The following GFI1 variants were observed in gnomAD, a reference collection of about 807,000 sequenced individuals.
GFI1 encodes growth factor independent 1 transcriptional repressor, also known as zinc finger protein Gfi-1.
Under a neutral mutation model 39.2 loss-of-function variants are expected in GFI1, and 15 were observed. The ratio of observed to expected loss-of-function variants is 0.38; its 90% confidence interval spans 0.26 to 0.59. The LOEUF (loss-of-function observed/expected upper bound fraction) is 0.59, where lower values mean the gene tolerates loss of function less well. Ranked by LOEUF, GFI1 falls within the 20% of genes least tolerant of loss-of-function variation. The pLI, the probability that GFI1 is intolerant of heterozygous loss-of-function variation, is 0.62. For missense variants in GFI1, 475 were observed against 574.0 expected, an observed-to-expected ratio of 0.83 and a Z score of 1.76; for synonymous variants, 239 against 254.3, an observed-to-expected ratio of 0.94 and a Z score of 0.57.
chr1:92,477,620 T>C (rs1247365464), intron 6 of GFI1, among the ~76,000 whole-genome samples: 1 of 152,242 alleles, frequency 6.6e-6, no homozygotes, highest in Non-Finnish European at 1.5e-5. Context: ...AGCCAGAGCA[T>C]TACATGGCTA....
rs963175491 is a variant in GFI1, at chr1:92,482,528, A to T, written c.298+336T>A. Among the ~76,000 whole-genome samples the T allele has an allele frequency of 6.6e-6, 1 of 152,092 alleles. No homozygotes were observed. ...AGATTGCAGGATCCTAGCACTTTAT[A>T]AAACAGTCAGGTCTGGTCAGAAAAT... On this transcript the variant is annotated intron_variant, in intron 3 of 6. Transcript: ENST00000294702. The surrounding 1 kb of genome is among the most constrained non-coding windows in gnomAD (Gnocchi z 4.4).
rs1053993444 is a variant in GFI1 at position 92,475,979 on chromosome 1, G to A, written c.*50C>T. 2 of 1,557,652 alleles carry A rather than the reference G, an allele frequency of 1.3e-6. No individual in the cohort carries two copies. Among genetic ancestry groups the A allele is most frequent in the Admixed American group, 3.4e-5 (2 of 58,128 alleles). On this transcript the variant is annotated 3_prime_UTR_variant, in exon 7 of 7. Transcript: ENST00000294702. ...GAGCAGAGTGGTGGCAAGCAGGGAG[G>A]CTGCCCTCTGTAGTGTTGTGTAGCT...
Position 92,484,271 on chromosome 1 carries a change from TC to T in GFI1, c.-99-686del, listed in dbSNP as rs1658427541. The stretch of plus-strand genomic sequence containing the variant: ...GACCAACCCCCGCCCCAGGAGAAAC[TC>T]GCATCTGGGTGATCCCACTCGCCCC... On this transcript the variant is annotated intron_variant, in intron 1 of 6. Coordinates refer to ENST00000294702, the MANE Select transcript of GFI1 (RefSeq NM_005263.5). This position sits in a 1 kb window ranked among gnomAD's most constrained non-coding sequence, Gnocchi z 4.1. Among the ~76,000 whole-genome samples, 1 of 152,070 alleles carries T rather than the reference TC, an allele frequency of 6.6e-6. No individual in the cohort carries two copies. Among genetic ancestry groups the T allele is most frequent in the Admixed American group, 6.5e-5 (1 of 15,292 alleles).
intron 2 of GFI1, 32 bp downstream of exon 2, chr1:92,483,341 G>A (rs781217351): frequency 9.6e-6 from 12 of 1,253,312 alleles, no homozygotes; most frequent in Non-Finnish European, 1.3e-5. Context: ...ATCCGGGGGA[G>A]CAGCCCCGCC....
In GFI1 at chr1:92,484,175, T is replaced by C. The variant is rs912284331; in HGVS notation, c.-99-589A>G. On this transcript the variant is annotated intron_variant, in intron 1 of 6. Coordinates refer to ENST00000294702, the MANE Select transcript of GFI1 (RefSeq NM_005263.5). This position sits in a 1 kb window ranked among gnomAD's most constrained non-coding sequence, Gnocchi z 4.1. ...CGGCGGGAGGACAGCAGCAGAGGGATTGGGGACAGCAGAGGCCAGAGAAAG... is the reference window on the plus strand; with the variant it reads ...CGGCGGGAGGACAGCAGCAGAGGGACTGGGGACAGCAGAGGCCAGAGAAAG... Among the ~76,000 whole-genome samples the C allele has an allele frequency of 2.2e-4, 34 of 151,490 alleles. No individual in the cohort carries two copies. Among genetic ancestry groups the C allele is most frequent in the African/African-American group, 8.0e-4 (33 of 41,230 alleles).
Position 92,482,063 on chromosome 1 carries a change from G to A in GFI1, c.298+801C>T, listed in dbSNP as rs955406951. Among the ~76,000 whole-genome samples, 5 of 152,072 alleles carry A rather than the reference G, an allele frequency of 3.3e-5. No homozygotes were observed. Among genetic ancestry groups the A allele is most frequent in the Admixed American group, 2.0e-4 (3 of 15,272 alleles). On this transcript the variant is annotated intron_variant, in intron 3 of 6. Transcript: ENST00000294702. The surrounding 1 kb of genome is among the most constrained non-coding windows in gnomAD (Gnocchi z 4.4). Reference sequence around the variant, plus strand: ...TCCTTGTCTGGCCACTTGACGCCCTGGCAGGAAGAATCCTCCCGCCGCCGG... The same window carrying A: ...TCCTTGTCTGGCCACTTGACGCCCTAGCAGGAAGAATCCTCCCGCCGCCGG...
rs35896485 is a variant in GFI1 at position 92,478,757 on chromosome 1, CAGAGAGAG to C, written c.925-12_925-5del. 15,959 of 1,515,336 alleles carry C rather than the reference CAGAGAGAG, an allele frequency of 0.011. 4 individuals are homozygous for C. Among genetic ancestry groups the C allele is most frequent in the Middle Eastern group, 0.017 (75 of 4,432 alleles). 93.9% of individuals were successfully genotyped at this position (1,515,336 alleles called of 1,614,324 possible). On this transcript the variant is annotated splice_polypyrimidine_tract_variant and splice_region_variant and intron_variant, in intron 5 of 6. Coordinates refer to ENST00000294702, the MANE Select transcript of GFI1 (RefSeq NM_005263.5). The stretch of plus-strand genomic sequence containing the variant: ...TCTTACAGTCAAAGCTCCGTTCCTG[CAGAGAGAG>C]AGAGAGAGAGAGAGAGAGAGAGAGA...
rs1315832055 is a variant in GFI1 at position 92,484,708 on chromosome 1, C to A, written c.-99-1122G>T. On this transcript the variant is annotated intron_variant, in intron 1 of 6. Transcript: ENST00000294702. The surrounding 1 kb of genome is among the most constrained non-coding windows in gnomAD (Gnocchi z 4.1). ...TGAGCGCAGCGGGAGGGCGTGGCTG[C>A]GCCTGCCGCTAGGCTCCAGCCGGCT... The A allele has an allele frequency of 6.6e-6, 1 of 152,426 alleles. No homozygotes were observed. The highest frequency in any genetic ancestry group is 2.1e-4 in the South Asian group (1 of 4,826). 9.4% of individuals were successfully genotyped at this position (152,426 alleles called of 1,614,324 possible). A position where few individuals can be genotyped will look rare whatever the true frequency, so the allele number is the denominator to read the frequency against.
In GFI1 at chr1:92,482,720, C is replaced by A; in HGVS notation, c.298+144G>T. 1.4e-6 allele frequency: 1 copy of A among 717,230 alleles called. No homozygotes were observed. The highest frequency in any genetic ancestry group is 2.5e-6 in the Non-Finnish European group (1 of 404,456). The allele number at this position is 717,230 out of a possible 1,614,324, so 44.4% of individuals were successfully genotyped here. On this transcript the variant is annotated intron_variant, in intron 3 of 6. Transcript: ENST00000294702. The surrounding 1 kb of genome is among the most constrained non-coding windows in gnomAD (Gnocchi z 4.4). ...AAGTCCCAGAGAAGCCGGATGCCTCCTTCCCCTACGAATCAGCTCCCTTCT... is the reference window on the plus strand; with the variant it reads ...AAGTCCCAGAGAAGCCGGATGCCTCATTCCCCTACGAATCAGCTCCCTTCT...
At chr1:92,479,785 G>A (rs1658134659) in intron 5 of GFI1, among the ~76,000 whole-genome samples, 1 of 152,122 alleles carries the variant, frequency 6.6e-6, no homozygotes. Flanking sequence ...CCTGACAGGG[G>A]GAGGTTGCAG....
At position 92,480,311 on chromosome 1, in the gene GFI1, G is replaced by C; in HGVS notation, c.924+37C>G. ...CACCGAGGAGATGCAGAAGATCCCC[G>C]AGCAGGGCCGCGCGCGGCGGTGCGC... On this transcript the variant is annotated intron_variant, in intron 5 of 6. Coordinates refer to ENST00000294702, the MANE Select transcript of GFI1 (RefSeq NM_005263.5). This position sits in a 1 kb window ranked among gnomAD's most constrained non-coding sequence, Gnocchi z 5.6. 3 of 1,540,088 alleles carry C rather than the reference G, an allele frequency of 1.9e-6. No homozygotes were observed. Among genetic ancestry groups the C allele is most frequent in the South Asian group, 2.4e-5 (2 of 83,854 alleles).
At position 92,482,904 on chromosome 1, in the gene GFI1, A is replaced by C; in HGVS notation, c.258T>G (p.Phe86Leu). ...EGSVCERSSE[F>L]EDFWRPPSPS... The stretch of plus-strand genomic sequence containing the variant: ...GTGACGGGGGCCTCCAGAAGTCCTC[A>C]AACTCCGAGCTCCGTTCGCAGACGC... The change falls in exon 3 of 7, where the codon TTT (phenylalanine) becomes TTG (leucine). Residue 86 changes from phenylalanine to leucine, a missense_variant. This residue lies in a region of GFI1 where 275 missense variants were observed against 275.8 expected (regional missense o/e 1.00). Coordinates refer to ENST00000294702, the MANE Select transcript of GFI1 (RefSeq NM_005263.5). The surrounding 1 kb of genome is among the most constrained non-coding windows in gnomAD (Gnocchi z 4.4). 6.2e-7 allele frequency: 1 copy of C among 1,614,100 alleles called. No individual in the cohort carries two copies. The highest frequency in any genetic ancestry group is 8.5e-7 in the Non-Finnish European group (1 of 1,179,994).
At chr1:92,485,644 C>G (rs942797437) in intron 1 of GFI1, among the ~76,000 whole-genome samples, 2 of 152,138 alleles carry the variant, frequency 1.3e-5, no homozygotes, top group Non-Finnish European at 2.9e-5. Flanking sequence ...TGGGGCGGCC[C>G]CTCCGCGCGC....
intron 1 of GFI1, among the ~76,000 whole-genome samples, chr1:92,485,740 C>A (rs1219630930): frequency 6.6e-6 from 1 of 152,246 alleles, no homozygotes; most frequent in Non-Finnish European, 1.5e-5. Flanking sequence ...CTGCCGCCGC[C>A]TCCCCACCAG....
chr1:92,483,344 G>A, intron 2 of GFI1, 29 bp downstream of exon 2: 1 of 1,277,780 alleles, frequency 7.8e-7, no homozygotes, highest in Non-Finnish European at 1.1e-6. Context: ...CGGGGGAGCA[G>A]CCCCGCCTGG....
chr1:92,480,955 G>A lies in GFI1; in HGVS notation c.432C>T (p.Ala144=). The A allele has an allele frequency of 1.3e-6, 2 of 1,590,760 alleles. No homozygotes were observed. Among genetic ancestry groups the A allele is most frequent in the Non-Finnish European group, 1.7e-6 (2 of 1,169,540 alleles). ...GGCCCAGGCCAGCGCCACGCTCCAG[G>A]GCCCCACACGGTCGGTAGCTCTGCA... ...HLVQSYRPCG[A]LERGAGLGLF... Residue 144 remains alanine (A), a synonymous_variant, in exon 4 of 7, where the codon GCC becomes GCT. Coordinates refer to ENST00000294702, the MANE Select transcript of GFI1 (RefSeq NM_005263.5). The surrounding 1 kb of genome is among the most constrained non-coding windows in gnomAD (Gnocchi z 5.6).
Position 92,486,710 on chromosome 1 carries a change from A to G in GFI1, c.-100+16T>C, listed in dbSNP as rs1300800580. ...AAACACTTGGGGATAAATACGCCCAACGAGGCTGAAAATACCTTGACACCC... is the reference window on the plus strand; with the variant it reads ...AAACACTTGGGGATAAATACGCCCAGCGAGGCTGAAAATACCTTGACACCC... On this transcript the variant is annotated intron_variant, in intron 1 of 6. Coordinates refer to ENST00000294702, the MANE Select transcript of GFI1 (RefSeq NM_005263.5). 3 of 152,182 alleles carry G rather than the reference A, an allele frequency of 2.0e-5. No individual in the cohort carries two copies. Among genetic ancestry groups the G allele is most frequent in the Non-Finnish European group, 4.4e-5 (3 of 68,030 alleles). 9.4% of individuals were successfully genotyped at this position (152,182 alleles called of 1,614,324 possible). A position where few individuals can be genotyped will look rare whatever the true frequency, so the allele number is the denominator to read the frequency against.
intron 1 of GFI1, 167 bp from the exon 2 acceptor site, chr1:92,483,753 G>A (rs1223211957): frequency 9.9e-6 from 5 of 503,634 alleles, no homozygotes; most frequent in Non-Finnish European, 1.8e-5. Context: ...ACTTGGACAG[G>A]TGGCGCGAAC....
rs1183264653 is a variant in GFI1, at chr1:92,473,987, T to G, written c.*2042A>C. On this transcript the variant is annotated 3_prime_UTR_variant, in exon 7 of 7. Coordinates refer to ENST00000294702, the MANE Select transcript of GFI1 (RefSeq NM_005263.5). ...GTGTGAAATCAATTTGAGTTGGAAA[T>G]GGGCAATCTGCTGGTTCTCACCATG... is the stretch of plus-strand genomic sequence containing the variant. Among the ~76,000 whole-genome samples, 1 of 152,202 alleles carries G rather than the reference T, an allele frequency of 6.6e-6. No individual in the cohort carries two copies. Among genetic ancestry groups the G allele is most frequent in the African/African-American group, 2.4e-5 (1 of 41,440 alleles).
Sources: gnomAD v4.1 joint callset for allele counts (sites outside exome capture counted in the v4.1 genomes callset) on GRCh38, gnomAD v4.1.1 for gene constraint, gnomAD v4.1.1 regional missense constraint, Gnocchi (gnomAD v3.1) non-coding constraint, MANE v1.5 for transcripts, NCBI Gene and HGNC (gene_info 2026-07-23, HGNC 2026-07-21) for gene names.